SCN11A: variants seen among roughly 807,000 people sequenced by gnomAD.
The protein encoded by SCN11A is sodium voltage-gated channel alpha subunit 11, also known as sodium channel protein type 11 subunit alpha.
A neutral mutation model predicts 162.2 loss-of-function variants in SCN11A; 122 were observed. The observed-to-expected ratio is 0.75, with a 90% CI of 0.65 to 0.87. The LOEUF is 0.87. SCN11A is among the 40% of genes least tolerant of loss of function. The pLI is 0.00. For missense variants in SCN11A, 2,015 were observed against 2,181.6 expected, an observed-to-expected ratio of 0.92 and a Z score of 1.52; for synonymous variants, 758 against 751.5, an observed-to-expected ratio of 1.01 and a Z score of -0.14.
intron 2 of SCN11A, among the ~76,000 whole-genome samples, chr3:39,019,794 C>T (rs7610882): frequency 0.15 from 23,123 of 152,194 alleles, 3,502 homozygotes; most frequent in African/African-American, 0.39. Flanking sequence ...TTTATCACAA[C>T]TTTATCCATA....
intron 2 of SCN11A, among the ~76,000 whole-genome samples, chr3:38,964,476 AACCATAAAAAAGCAAG>A (rs1241372797): frequency 1.3e-5 from 2 of 152,352 alleles, no homozygotes; most frequent in East Asian, 3.9e-4. Context: ...GCTGAGAAAG[AACCATAAAAAAGCAAG>A]AGATCATCAA....
chr3:38,954,985 C>G (rs1337252747), intron 3 of SCN11A, among the ~76,000 whole-genome samples: 1 of 151,848 alleles, frequency 6.6e-6, no homozygotes. Flanking sequence ...CAGACTCTGT[C>G]TCAAAAAAAG....
At chr3:38,928,770 A>T (rs867076347) in intron 7 of SCN11A, among the ~76,000 whole-genome samples, 5 of 152,288 alleles carry the variant, frequency 3.3e-5, no homozygotes, top group African/African-American at 7.2e-5. Flanking sequence ...ACTATTTTTT[A>T]AAAAACCTAA....
chr3:38,934,345 T>A (rs2066293962), intron 7 of SCN11A, among the ~76,000 whole-genome samples: 1 of 152,132 alleles, frequency 6.6e-6, no homozygotes. Context: ...GCTAACATCA[T>A]AATGACAGGA....
At chr3:38,980,694 CAG>C (rs2125590309) in intron 2 of SCN11A, among the ~76,000 whole-genome samples, 1 of 152,284 alleles carries the variant, frequency 6.6e-6, no homozygotes, top group Admixed American at 6.5e-5. Flanking sequence ...TTGCTTCTGG[CAG>C]AGAGGGGATT....
At chr3:38,916,480 T>C (rs570440134) in intron 11 of SCN11A, among the ~76,000 whole-genome samples, 46 of 152,330 alleles carry the variant, frequency 3.0e-4, no homozygotes, top group Middle Eastern at 3.4e-3. Context: ...ACAGAAACCA[T>C]AGTGGCTTTT....
intron 2 of SCN11A, among the ~76,000 whole-genome samples, chr3:38,974,948 C>T (rs904719190): frequency 1.3e-5 from 2 of 150,294 alleles, no homozygotes; most frequent in African/African-American, 4.9e-5. Context: ...TCAAAGGCAA[C>T]TAGATTCTGA....
intron 11 of SCN11A, among the ~76,000 whole-genome samples, chr3:38,919,490 G>C (rs2066011990): frequency 6.6e-6 from 1 of 152,248 alleles, no homozygotes; most frequent in Non-Finnish European, 1.5e-5. Context: ...TGGGGCAAGT[G>C]TAAGTGGATG....
At chr3:38,918,959 T>C (rs1259167347) in intron 11 of SCN11A, among the ~76,000 whole-genome samples, 3 of 152,242 alleles carry the variant, frequency 2.0e-5, no homozygotes, top group Non-Finnish European at 2.9e-5. Flanking sequence ...GCCTAGATGG[T>C]ATAGCCTACT....
intron 29 of SCN11A, among the ~76,000 whole-genome samples, chr3:38,848,461 G>T (rs2064714107): frequency 6.6e-6 from 1 of 152,114 alleles, no homozygotes; most frequent in Admixed American, 6.5e-5. Flanking sequence ...AAGGTCACTA[G>T]GGGTCTATTA....
In SCN11A at chr3:38,982,272, G is replaced by A. The variant is rs189687807; in HGVS notation, c.-279-21849C>T. 9.2e-5 allele frequency among the ~76,000 whole-genome samples: 14 copies of A among 152,310 alleles called. No homozygotes were observed. In the South Asian group the frequency reaches 1.9e-3, roughly 20 times the overall value. On this transcript the variant is annotated intron_variant, in intron 2 of 29. Coordinates refer to ENST00000302328, the MANE Select transcript of SCN11A (RefSeq NM_001349253.2). ...GACAGTCCCTGCTGCCTACTCTGTG[G>A]GACCACATCTGGACCACTACAGGAT...
intron 19 of SCN11A, among the ~76,000 whole-genome samples, chr3:38,887,767 C>T (rs9868464): frequency 0.018 from 2,720 of 152,140 alleles, 58 homozygotes; most frequent in African/African-American, 0.048. Context: ...AGCTAGCAGC[C>T]GGACGGATCC....
chr3:39,044,217 C>T (rs962561811), intron 1 of SCN11A, among the ~76,000 whole-genome samples: 8 of 152,092 alleles, frequency 5.3e-5, no homozygotes, highest in Non-Finnish European at 8.8e-5. Context: ...GGAAGACAGA[C>T]TCCAATACAA....
intron 5 of SCN11A, among the ~76,000 whole-genome samples, 160 bp from the exon 6 acceptor site, chr3:38,947,067 A>G (rs1196478698): frequency 6.6e-6 from 1 of 152,250 alleles, no homozygotes; most frequent in African/African-American, 2.4e-5. Context: ...CAGAAGAATC[A>G]GAGATGGAAA....
chr3:39,047,618 A>G (rs1184482568), intron 1 of SCN11A, among the ~76,000 whole-genome samples: 1 of 152,228 alleles, frequency 6.6e-6, no homozygotes, highest in Non-Finnish European at 1.5e-5. Context: ...AAATATTTGC[A>G]AAGTATTCAT....
chr3:38,900,162 A>C (rs2065676195), intron 16 of SCN11A, 89 bp from the exon 17 acceptor site: 2 of 970,702 alleles, frequency 2.1e-6, no homozygotes, highest in African/African-American at 1.6e-5. Flanking sequence ...GGTTACAATG[A>C]AATGAAAAGT....
At chr3:39,050,224 C>A (rs1330129438) in intron 1 of SCN11A, among the ~76,000 whole-genome samples, 1 of 152,174 alleles carries the variant, frequency 6.6e-6, no homozygotes, top group African/African-American at 2.4e-5. Flanking sequence ...GTTCCATGCT[C>A]TCTCCTGCTA....
intron 19 of SCN11A, among the ~76,000 whole-genome samples, chr3:38,888,277 A>G (rs2065435815): frequency 6.6e-6 from 1 of 152,262 alleles, no homozygotes; most frequent in Non-Finnish European, 1.5e-5. Flanking sequence ...TGGATCTGCA[A>G]TATGACTTGT....
intron 2 of SCN11A, among the ~76,000 whole-genome samples, chr3:38,986,537 G>A (rs1191296492): frequency 2.0e-5 from 3 of 152,172 alleles, no homozygotes; most frequent in Non-Finnish European, 4.4e-5. Flanking sequence ...AGGGAACCCC[G>A]AAACTGAAGA....
Sources: gnomAD v4.1 joint callset for allele counts (sites outside exome capture counted in the v4.1 genomes callset) on GRCh38, gnomAD v4.1.1 for gene constraint, MANE v1.5 for transcripts, NCBI Gene and HGNC (gene_info 2026-07-23, HGNC 2026-07-21) for gene names.